Variants in ITIH2 observed in about 807,000 individuals in gnomAD.
ITIH2 encodes the protein inter-alpha-trypsin inhibitor heavy chain H2.
ITIH2 carries 103 observed loss-of-function variants against 104.4 expected under a neutral mutation model. The observed-to-expected ratio is 0.99, with a 90% CI of 0.84 to 1.16. ITIH2 has a LOEUF of 1.16. Ranked by LOEUF, ITIH2 falls within the 50% of genes most tolerant of loss-of-function variation. ITIH2 has a pLI of 0.00. For synonymous variants in ITIH2, 436 were observed against 435.4 expected (o/e 1.00, Z -0.02); for missense variants, 1,108 against 1,162.4 (o/e 0.95, Z 0.68).
intron 19 of ITIH2, among the ~76,000 whole-genome samples, chr10:7,745,982 A>C (rs1386234009): frequency 6.9e-6 from 1 of 143,934 alleles, no homozygotes; most frequent in African/African-American, 2.6e-5. Context: ...TCAAACTCCC[A>C]ACCTCAGGTG....
intron 7 of ITIH2, 140 bp downstream of exon 7, chr10:7,721,103 C>G (rs563239501): frequency 1.6e-6 from 1 of 616,928 alleles, no homozygotes; most frequent in East Asian, 2.8e-5. Flanking sequence ...CCAAGTAGAG[C>G]CTAGGGCCTC....
chr10:7,721,972 A>G (rs1834908383), intron 8 of ITIH2, among the ~76,000 whole-genome samples, 195 bp downstream of exon 8: 1 of 152,186 alleles, frequency 6.6e-6, no homozygotes, highest in Non-Finnish European at 1.5e-5. Context: ...CTAAATGAAT[A>G]GGGTCTCATG....
chr10:7,742,261 G>C (rs1835134101), intron 16 of ITIH2, among the ~76,000 whole-genome samples: 2 of 151,968 alleles, frequency 1.3e-5, no homozygotes. Flanking sequence ...AGTGGGGATG[G>C]GGGAGCGGGA....
chr10:7,731,542 T>C (rs1835002774), intron 12 of ITIH2, among the ~76,000 whole-genome samples: 1 of 151,954 alleles, frequency 6.6e-6, no homozygotes, highest in South Asian at 2.1e-4. Context: ...CTGGCCAAGA[T>C]GGTGAAAACC....
At chr10:7,704,927 G>T (rs893356427) in intron 1 of ITIH2, among the ~76,000 whole-genome samples, 181 bp from the exon 2 acceptor site, 1 of 151,124 alleles carries the variant, frequency 6.6e-6, no homozygotes, top group Non-Finnish European at 1.5e-5. Flanking sequence ...GTCAGGGGGT[G>T]GGGGGCTAGG....
At chr10:7,719,228 A>T (rs1299327793) in intron 6 of ITIH2, among the ~76,000 whole-genome samples, 2 of 152,232 alleles carry the variant, frequency 1.3e-5, no homozygotes, top group African/African-American at 4.8e-5. Context: ...GTTCACTATC[A>T]GAGTCTATGC....
chr10:7,713,322 C>T, intron 5 of ITIH2, 37 bp downstream of exon 5: 3 of 1,507,138 alleles, frequency 2.0e-6, no homozygotes, highest in South Asian at 1.1e-5. Context: ...CCTTGCCTCT[C>T]AATGACGGTT....
intron 20 of ITIH2, 141 bp from the exon 21 acceptor site, chr10:7,749,046 C>T: frequency 1.3e-6 from 1 of 773,600 alleles, no homozygotes; most frequent in African/African-American, 1.7e-5. Context: ...GTTTCTTTTT[C>T]ACATGACTTG....
chr10:7,740,467 C>A (rs971925264), intron 16 of ITIH2, among the ~76,000 whole-genome samples: 2 of 152,230 alleles, frequency 1.3e-5, no homozygotes, highest in African/African-American at 4.8e-5. Context: ...GTTGCTTTTA[C>A]TGTGCCTTTC....
At chr10:7,713,965 G>A (rs749441105) in intron 5 of ITIH2, among the ~76,000 whole-genome samples, 6 of 151,840 alleles carry the variant, frequency 4.0e-5, no homozygotes, top group Non-Finnish European at 5.9e-5. Context: ...CTGGGATTAC[G>A]GGCTGAAACC....
chr10:7,709,327 G>GTCCCAATAA (rs1208305373), intron 4 of ITIH2, 136 bp downstream of exon 4: 1 of 734,204 alleles, frequency 1.4e-6, no homozygotes, highest in African/African-American at 1.8e-5. Context: ...TGTGAGGTTG[G>GTCCCAATAA]TCCCAATAAT....
chr10:7,749,217 A>T lies in ITIH2; in HGVS notation c.2724A>T (p.Leu908=), dbSNP rs765221895. 1.9e-6 allele frequency: 3 copies of T among 1,614,142 alleles called. No homozygotes were observed. The highest frequency in any genetic ancestry group is 2.5e-6 in the Non-Finnish European group (3 of 1,180,024). The change falls in exon 21 of 21, where the codon CTA becomes CTT. Residue 908 remains leucine, a synonymous_variant. Coordinates refer to ENST00000358415, the MANE Select transcript of ITIH2 (RefSeq NM_002216.3). ...TACAGAAAGACTACAGAACGGATCT[A>T]GTGTTTGGAACGGACGTTACCTGCT... ...RGLQKDYRTD[L]VFGTDVTCWF... is the part of the protein sequence containing the mutation.
rs1588457831 is a variant in ITIH2, at chr10:7,731,996, G to A, written c.1647G>A (p.Ser549=). ...DQIESVITAT[S]ANTQLVLETL... is the part of the protein sequence containing the mutation. Reference sequence around the variant, plus strand: ...TAGAGAGCGTTATCACGGCGACTTCGGTACTTCCACTTATCCATTTATTCT... The same window carrying A: ...TAGAGAGCGTTATCACGGCGACTTCAGTACTTCCACTTATCCATTTATTCT... The change falls in exon 13 of 21, where the codon TCG becomes TCA. Residue 549 remains serine (S), a splice_region_variant and synonymous_variant. Coordinates refer to ENST00000358415, the MANE Select transcript of ITIH2 (RefSeq NM_002216.3). 5.0e-6 allele frequency: 8 copies of A among 1,610,726 alleles called. No individual in the cohort carries two copies. The highest frequency in any genetic ancestry group is 1.3e-5 in the African/African-American group (1 of 74,918).
In ITIH2 at chr10:7,727,761, C is replaced by G; in HGVS notation, c.1212C>G (p.Asn404Lys). 6.2e-7 allele frequency: 1 copy of G among 1,614,126 alleles called. No homozygotes were observed. Reference protein sequence around the residue: ...RAIFILNEANNLGLLDPNSVS... With the variant: ...RAIFILNEANKLGLLDPNSVS... ...TCTTCATTTTGAATGAAGCCAATAA[C>G]TTGGGACTGTTAGACCCCAACTCCG... is the stretch of plus-strand genomic sequence containing the variant. Residue 404 changes from asparagine (N) to lysine (K), a missense_variant, in exon 11 of 21, where the codon AAC becomes AAG. Coordinates refer to ENST00000358415, the MANE Select transcript of ITIH2 (RefSeq NM_002216.3).
At chr10:7,709,267 G>A in intron 4 of ITIH2, 76 bp downstream of exon 4, 1 of 1,351,118 alleles carries the variant, frequency 7.4e-7, no homozygotes, top group Non-Finnish European at 1.1e-6. Context: ...AGTTAGAATG[G>A]ACTTTAGTGG....
intron 8 of ITIH2, among the ~76,000 whole-genome samples, chr10:7,723,098 A>C (rs969392712): frequency 7.1e-6 from 1 of 141,492 alleles, no homozygotes; most frequent in Non-Finnish European, 1.5e-5. Context: ...AGTAGAGTGG[A>C]GTGGCGTGGT....
rs1834775095 is a variant in ITIH2 at position 7,709,309 on chromosome 10, A to G, written c.362+118A>G. The G allele has an allele frequency of 2.0e-5, 17 of 866,384 alleles. No individual in the cohort carries two copies. In the East Asian group the frequency reaches 4.1e-4, roughly 21 times the overall value. The allele number at this position is 866,384 out of a possible 1,614,324, so 53.7% of individuals were successfully genotyped here. A position where few individuals can be genotyped will look rare whatever the true frequency, so the allele number is the denominator to read the frequency against. ...GTCCCAGAGGACCGGCTGGATGTCA[A>G]GGGTCATTGTGAGGTTGGTCCCAAT... On this transcript the variant is annotated intron_variant, in intron 4 of 20. Coordinates refer to ENST00000358415, the MANE Select transcript of ITIH2 (RefSeq NM_002216.3).
At chr10:7,731,143 C>T (rs1206916041) in intron 12 of ITIH2, among the ~76,000 whole-genome samples, 1 of 152,068 alleles carries the variant, frequency 6.6e-6, no homozygotes, top group African/African-American at 2.4e-5. Flanking sequence ...GTCTCAAACT[C>T]CTGAACTCAG....
chr10:7,719,783 A>AAAT (rs141353250), intron 6 of ITIH2, among the ~76,000 whole-genome samples: 1 of 127,264 alleles, frequency 7.9e-6, no homozygotes, highest in African/African-American at 3.2e-5. Context: ...AAAAAAAAAA[A>AAAT]GAAAGAAAGA....
Sources: allele counts gnomAD v4.1 joint callset (sites outside exome capture counted in the v4.1 genomes callset), GRCh38; gene constraint gnomAD v4.1.1; transcripts MANE v1.5; gene names NCBI Gene and HGNC (gene_info 2026-07-23, HGNC 2026-07-21).